SUCLG2: variants seen among roughly 807,000 people sequenced by gnomAD.
SUCLG2 encodes the protein succinate-CoA ligase GDP-forming subunit beta, also known as succinate--CoA ligase [GDP-forming] subunit beta, mitochondrial.
Under a neutral mutation model 47.9 loss-of-function variants are expected in SUCLG2, and 42 were observed. The observed-to-expected ratio is 0.88, with a 90% CI of 0.69 to 1.14. The LOEUF is 1.14. Among genes scored for constraint, SUCLG2 ranks in the 50% most tolerant of loss-of-function variants. The probability of loss-of-function intolerance (pLI) is 0.00; values close to 1 mark genes in which losing one functional copy is unlikely to be tolerated. For synonymous variants in SUCLG2, 195 were observed against 197.3 expected (o/e 0.99, Z 0.10); for missense variants, 571 against 525.9 (o/e 1.09, Z -0.84).
chr3:67,564,726 G>A (rs1707406040), intron 2 of SUCLG2, among the ~76,000 whole-genome samples: 1 of 152,118 alleles, frequency 6.6e-6, no homozygotes, highest in Non-Finnish European at 1.5e-5. Flanking sequence ...TAGTTCATGA[G>A]CTATCTATTG....
chr3:67,406,174 GTCTAAAAAATTCAGC>G (rs1384810256), intron 9 of SUCLG2, among the ~76,000 whole-genome samples: 1 of 152,120 alleles, frequency 6.6e-6, no homozygotes, highest in Non-Finnish European at 1.5e-5. Flanking sequence ...TTTGCTGTCA[GTCTAAAAAATTCAGC>G]TCTTTTTATT....
chr3:67,400,980 T>A, intron 9 of SUCLG2, 129 bp from the exon 10 acceptor site: 3 of 1,348,712 alleles, frequency 2.2e-6, no homozygotes, highest in Non-Finnish European at 2.0e-6. Flanking sequence ...ATACAGAGCA[T>A]AAAATACAAA....
intron 10 of SUCLG2, among the ~76,000 whole-genome samples, chr3:67,397,758 C>T (rs1278183373): frequency 6.6e-6 from 1 of 152,054 alleles, no homozygotes; most frequent in Non-Finnish European, 1.5e-5. Context: ...CACGCTACCT[C>T]AGTTGAAACT....
chr3:67,634,795 A>G (rs1204857119), intron 1 of SUCLG2, among the ~76,000 whole-genome samples: 1 of 152,214 alleles, frequency 6.6e-6, no homozygotes, highest in African/African-American at 2.4e-5. Context: ...TTCCTCAGGA[A>G]TCTGCTGAAA....
At chr3:67,583,942 T>A (rs1359338366) in intron 2 of SUCLG2, among the ~76,000 whole-genome samples, 1 of 152,226 alleles carries the variant, frequency 6.6e-6, no homozygotes, top group Non-Finnish European at 1.5e-5. Context: ...TAAGGTCAAC[T>A]GCATAGTAAC....
At chr3:67,484,163 T>C (rs1351291004) in intron 9 of SUCLG2, among the ~76,000 whole-genome samples, 1 of 152,244 alleles carries the variant, frequency 6.6e-6, no homozygotes, top group East Asian at 1.9e-4. Flanking sequence ...GCATTGCCTC[T>C]GGCTGCTGGA....
In SUCLG2 at chr3:67,529,264, T is replaced by C. The variant is rs114306553; in HGVS notation, c.227-78A>G. 6,805 of 1,096,782 alleles carry C rather than the reference T, an allele frequency of 6.2e-3. 33 individuals are homozygous for C. The highest frequency in any genetic ancestry group is 8.3e-3 in the Non-Finnish European group (6,189 of 749,362). The allele number at this position is 1,096,782 out of a possible 1,614,324, so 67.9% of individuals were successfully genotyped here. On this transcript the variant is annotated intron_variant, in intron 2 of 10. Transcript: ENST00000307227. ...TTTTAAGCAATAAGGAAAGCAATAA[T>C]GGCACATAACTTCCAAGTAACTGGT...
chr3:67,456,195 C>A (rs534072018), intron 9 of SUCLG2, among the ~76,000 whole-genome samples: 2 of 152,274 alleles, frequency 1.3e-5, no homozygotes, highest in African/African-American at 4.8e-5. Flanking sequence ...TGGCCTTCCT[C>A]CTCCCTTGAT....
intron 9 of SUCLG2, among the ~76,000 whole-genome samples, chr3:67,437,308 T>C (rs1703648620): frequency 6.6e-6 from 1 of 152,146 alleles, no homozygotes; most frequent in Non-Finnish European, 1.5e-5. Flanking sequence ...TAAGGATCAA[T>C]CACTAGGGGC....
At chr3:67,528,339 A>C in intron 3 of SUCLG2, 117 bp from the exon 4 acceptor site, 1 of 874,152 alleles carries the variant, frequency 1.1e-6, no homozygotes, top group South Asian at 1.6e-5. Flanking sequence ...CCCTCACAAA[A>C]TCCATGAGTC....
intron 9 of SUCLG2, among the ~76,000 whole-genome samples, chr3:67,414,365 C>T (rs13076634): frequency 0.36 from 54,447 of 152,068 alleles, 9,913 homozygotes; most frequent in South Asian, 0.43. Context: ...ATAGATGTAT[C>T]GAGTACATTG....
At chr3:67,510,679 T>G (rs1463659899) in intron 6 of SUCLG2, among the ~76,000 whole-genome samples, 2 of 152,186 alleles carry the variant, frequency 1.3e-5, no homozygotes, top group Non-Finnish European at 2.9e-5. Flanking sequence ...AAATAATATC[T>G]TACTGTATTG....
At chr3:67,441,168 T>G (rs944803212) in intron 9 of SUCLG2, among the ~76,000 whole-genome samples, 1 of 151,288 alleles carries the variant, frequency 6.6e-6, no homozygotes, top group African/African-American at 2.4e-5. Flanking sequence ...TAAGTAGGAG[T>G]TGAACAATGA....
chr3:67,369,391 C>T (rs1701920634), intron 10 of SUCLG2, among the ~76,000 whole-genome samples: 1 of 152,082 alleles, frequency 6.6e-6, no homozygotes, highest in African/African-American at 2.4e-5. Context: ...TTCTTGTTTT[C>T]TTGGTCATGA....
chr3:67,629,499 G>C (rs2107349138), intron 1 of SUCLG2, among the ~76,000 whole-genome samples: 1 of 152,202 alleles, frequency 6.6e-6, no homozygotes, highest in East Asian at 1.9e-4. Flanking sequence ...CATGATATGG[G>C]GGAGGGGGGG....
intron 2 of SUCLG2, among the ~76,000 whole-genome samples, chr3:67,567,771 T>C (rs1707497888): frequency 6.6e-6 from 1 of 152,232 alleles, no homozygotes; most frequent in South Asian, 2.1e-4. Context: ...GACAATGTTT[T>C]ATTAAAAGAT....
At chr3:67,568,071 TTG>T (rs528013202) in intron 2 of SUCLG2, among the ~76,000 whole-genome samples, 6 of 152,186 alleles carry the variant, frequency 3.9e-5, no homozygotes, top group Non-Finnish European at 8.8e-5. Context: ...GTGACTTCTG[TTG>T]TGTGTGTGAG....
At chr3:67,552,172 C>CAAAAAAAAAAAAAAA (rs55687048) in intron 2 of SUCLG2, among the ~76,000 whole-genome samples, 29 of 75,292 alleles carry the variant, frequency 3.9e-4, no homozygotes, top group Non-Finnish European at 7.8e-4. Context: ...AACTCCATCT[C>CAAAAAAAAAAAAAAA]AAAAAAAAAA....
chr3:67,623,646 C>G (rs544533847), intron 1 of SUCLG2, among the ~76,000 whole-genome samples: 45 of 152,338 alleles, frequency 3.0e-4, no homozygotes, highest in Admixed American at 1.9e-3. Flanking sequence ...ACTACACCAT[C>G]AGAGCAGATC....
Sources: gnomAD v4.1 joint callset for allele counts (sites outside exome capture counted in the v4.1 genomes callset) on GRCh38, gnomAD v4.1.1 for gene constraint, MANE v1.5 for transcripts, NCBI Gene and HGNC (gene_info 2026-07-23, HGNC 2026-07-21) for gene names.